Variants in KDM4B observed in about 807,000 individuals in gnomAD.
The protein encoded by KDM4B is lysine demethylase 4B.
Under a neutral mutation model 125.2 loss-of-function variants are expected in KDM4B, and 32 were observed. That is an observed-to-expected ratio of 0.26 (90% confidence interval 0.19 to 0.34). The LOEUF is 0.34. KDM4B is among the 10% of genes least tolerant of loss of function. The pLI is 1.00. For missense variants in KDM4B, 1,190 were observed against 1,577.7 expected (o/e 0.75, Z 4.16); for synonymous variants, 721 against 677.9 (o/e 1.06, Z -0.99).
At chr19:5,079,032 A>C (rs1337736792) in intron 8 of KDM4B, 1 of 152,146 alleles carries the variant, frequency 6.6e-6, no homozygotes, top group African/African-American at 2.4e-5. Context: ...GGGTCCCCTC[A>C]TCTGAATTCC....
At chr19:5,054,935 G>A (rs2037349671) in intron 6 of KDM4B, among the ~76,000 whole-genome samples, 1 of 152,256 alleles carries the variant, frequency 6.6e-6, no homozygotes, top group South Asian at 2.1e-4. Flanking sequence ...AGTGAACTGA[G>A]CACCAGAAGC....
chr19:5,132,543 G>A (rs983432288), intron 13 of KDM4B, among the ~76,000 whole-genome samples: 2 of 152,140 alleles, frequency 1.3e-5, no homozygotes, highest in Non-Finnish European at 2.9e-5. Flanking sequence ...TTGGAGGGGT[G>A]GGGAGAGGAG....
Position 5,149,130 on chromosome 19 carries a change from C to T in KDM4B, c.3022-1228C>T, listed in dbSNP as rs556813384. Among the ~76,000 whole-genome samples, 5 of 152,358 alleles carry T rather than the reference C, an allele frequency of 3.3e-5. No homozygotes were observed. The South Asian group carries it at 1.0e-3, about 32-fold the overall frequency. On this transcript the variant is annotated intron_variant, in intron 21 of 22. Coordinates refer to ENST00000159111, the MANE Select transcript of KDM4B (RefSeq NM_015015.3). ...CCCATCCCTGGAGGAGTCACAGGGACCGGCAGGCTTGGCTGCCCCAAGGCA... is the reference window on the plus strand; with the variant it reads ...CCCATCCCTGGAGGAGTCACAGGGATCGGCAGGCTTGGCTGCCCCAAGGCA...
At chr19:5,085,349 T>A (rs962931791) in intron 9 of KDM4B, among the ~76,000 whole-genome samples, 3 of 152,204 alleles carry the variant, frequency 2.0e-5, no homozygotes, top group African/African-American at 7.2e-5. Context: ...GGCATGTGTC[T>A]GTGTGTTTGT....
chr19:4,981,613 C>T (rs197159), intron 1 of KDM4B, among the ~76,000 whole-genome samples: 3,045 of 152,236 alleles, frequency 0.02, 98 homozygotes, highest in African/African-American at 0.068. Flanking sequence ...GAGCCCCCCC[C>T]ACCACGCCGG....
intron 1 of KDM4B, among the ~76,000 whole-genome samples, chr19:5,006,026 A>AG (rs1292999328): frequency 1.3e-5 from 2 of 152,004 alleles, no homozygotes; most frequent in African/African-American, 4.8e-5. Context: ...GGGTCCTGGG[A>AG]GAGGGCTCAT....
At chr19:5,090,599 T>TC (rs2038677101) in intron 9 of KDM4B, among the ~76,000 whole-genome samples, 1 of 60,630 alleles carries the variant, frequency 1.6e-5, no homozygotes, top group Non-Finnish European at 3.3e-5. Context: ...CCTCCCTCTC[T>TC]TTCTCTCTCT....
Position 5,151,481 on chromosome 19 carries a change from G to A in KDM4B, c.3261G>A (p.Gln1087=). 1 of 1,486,562 alleles carries A rather than the reference G, an allele frequency of 6.7e-7. No individual in the cohort carries two copies. The highest frequency in any genetic ancestry group is 9.0e-7 in the Non-Finnish European group (1 of 1,117,214). 92.1% of individuals were successfully genotyped at this position (1,486,562 alleles called of 1,614,324 possible). The change falls in exon 23 of 23, where the codon CAG becomes CAA. Residue 1087 remains glutamine (Q), a synonymous_variant. Transcript: ENST00000159111. ...DYVAFVESLL[Q]VQGRPGAPF is the part of the protein sequence containing the mutation. ...TGGCCTTCGTGGAGAGCCTCCTGCA[G>A]GTGCAGGGCCGGCCCGGAGCCCCCT...
intron 1 of KDM4B, among the ~76,000 whole-genome samples, chr19:4,974,441 CATAAA>C (rs1193980395): frequency 6.6e-6 from 1 of 150,620 alleles, no homozygotes; most frequent in Non-Finnish European, 1.5e-5. Context: ...TAAATAAATA[CATAAA>C]ATAAAAAACT....
intron 1 of KDM4B, among the ~76,000 whole-genome samples, chr19:4,985,842 G>C (rs903664911): frequency 1.3e-5 from 2 of 152,224 alleles, no homozygotes; most frequent in Non-Finnish European, 2.9e-5. Flanking sequence ...CTGGGAGCGC[G>C]GATTGGGACT....
chr19:5,102,054 C>T (rs1453805948), intron 9 of KDM4B, among the ~76,000 whole-genome samples: 1 of 152,156 alleles, frequency 6.6e-6, no homozygotes, highest in East Asian at 1.9e-4. Flanking sequence ...CGCAGACCTC[C>T]GTTTTGAGCA....
At chr19:5,072,622 C>T (rs1425975912) in intron 7 of KDM4B, among the ~76,000 whole-genome samples, 1 of 152,138 alleles carries the variant, frequency 6.6e-6, no homozygotes, top group Non-Finnish European at 1.5e-5. Context: ...ATACCAATTT[C>T]CAAAACAAAT....
chr19:5,104,326 G>A (rs939492631), intron 9 of KDM4B, among the ~76,000 whole-genome samples: 2 of 152,250 alleles, frequency 1.3e-5, no homozygotes, highest in African/African-American at 2.4e-5. Context: ...AGGGCCCAGC[G>A]TTGCACGGTA....
intron 10 of KDM4B, among the ~76,000 whole-genome samples, chr19:5,117,613 A>G (rs941974957): frequency 6.6e-6 from 1 of 152,142 alleles, no homozygotes; most frequent in Non-Finnish European, 1.5e-5. Flanking sequence ...GCATTTGCCT[A>G]GCCCCCTAGT....
intron 10 of KDM4B, among the ~76,000 whole-genome samples, chr19:5,117,560 TC>T (rs1555716791): frequency 6.6e-6 from 1 of 152,084 alleles, no homozygotes; most frequent in Non-Finnish European, 1.5e-5. Flanking sequence ...GTCTGAAGCT[TC>T]CTCCTCCTGA....
At chr19:4,996,250 A>G (rs1406881115) in intron 1 of KDM4B, among the ~76,000 whole-genome samples, 1 of 152,176 alleles carries the variant, frequency 6.6e-6, no homozygotes, top group Non-Finnish European at 1.5e-5. Context: ...TCAGCCTCCC[A>G]AAGCGTTGGG....
At chr19:4,975,752 T>C (rs28540102) in intron 1 of KDM4B, among the ~76,000 whole-genome samples, 107,735 of 151,114 alleles carry the variant, frequency 0.71, 39,239 homozygotes, top group African/African-American at 0.87. Context: ...GCCACCACGC[T>C]CGACTAATTT....
chr19:5,057,026 A>G (rs2037422172), intron 6 of KDM4B, among the ~76,000 whole-genome samples: 2 of 124,978 alleles, frequency 1.6e-5, no homozygotes, highest in African/African-American at 3.6e-5. Flanking sequence ...CCAGATATAT[A>G]TGCGTGTGTG....
rs142811030 is a variant in KDM4B, at chr19:5,082,468, C to A, written c.882C>A (p.Thr294=). The A allele has an allele frequency of 1.2e-3, 1,934 of 1,612,062 alleles. 17 individuals carry two copies. In the African/African-American group the frequency reaches 0.024, roughly 20 times the overall value. Residue 294 remains threonine, a synonymous_variant, in exon 9 of 23, where the codon ACC becomes ACA. Coordinates refer to ENST00000159111, the MANE Select transcript of KDM4B (RefSeq NM_015015.3). This position sits in a 1 kb window ranked among gnomAD's most constrained non-coding sequence, Gnocchi z 5.4. ...GCGCAGAATCTACCAACTTCGCCACCCTGCGGTGGATTGACTACGGCAAAG... is the reference window on the plus strand; with the variant it reads ...GCGCAGAATCTACCAACTTCGCCACACTGCGGTGGATTGACTACGGCAAAG... ...FNCAESTNFA[T]LRWIDYGKVA...
Sources: gnomAD v4.1 joint callset for allele counts (sites outside exome capture counted in the v4.1 genomes callset) on GRCh38, gnomAD v4.1.1 for gene constraint, Gnocchi (gnomAD v3.1) non-coding constraint, MANE v1.5 for transcripts, NCBI Gene and HGNC (gene_info 2026-07-23, HGNC 2026-07-21) for gene names.